ZFHX3: variants seen among roughly 807,000 people sequenced by gnomAD.
ZFHX3 encodes zinc finger homeobox protein 3.
A neutral mutation model predicts 279.1 loss-of-function variants in ZFHX3; 42 were observed. The observed-to-expected ratio is 0.15, with a 90% confidence interval of 0.12 to 0.19. The LOEUF (loss-of-function observed/expected upper bound fraction) is 0.19. ZFHX3 is among the 10% of genes least tolerant of loss of function. The pLI, the probability that ZFHX3 is intolerant of heterozygous loss-of-function variation, is 1.00. For missense variants in ZFHX3, 4,981 were observed against 4,754.0 expected (o/e 1.05, Z -1.40); for synonymous variants, 2,293 against 1,957.8 (o/e 1.17, Z -4.52).
At chr16:73,447,875 C>A (rs1044637519) in intron 3 of ZFHX3, among the ~76,000 whole-genome samples, 2 of 152,114 alleles carry the variant, frequency 1.3e-5, no homozygotes, top group African/African-American at 4.8e-5. Context: ...TAAAGCTTTG[C>A]TGAAAACAAC....
intron 3 of ZFHX3, among the ~76,000 whole-genome samples, chr16:72,933,817 T>C (rs952654484): frequency 3.3e-3 from 363 of 111,156 alleles, no homozygotes; most frequent in African/African-American, 0.014. Context: ...AACTTTCTTT[T>C]TTTTTTTTTT....
intron 5 of ZFHX3, among the ~76,000 whole-genome samples, chr16:73,146,957 T>C (rs1158399686): frequency 6.6e-6 from 1 of 152,166 alleles, no homozygotes; most frequent in Non-Finnish European, 1.5e-5. Flanking sequence ...CGTGCCTGGC[T>C]GGTAGTACTA....
intron 4 of ZFHX3, among the ~76,000 whole-genome samples, chr16:73,261,939 T>G (rs369311226): frequency 5.3e-5 from 8 of 152,220 alleles, no homozygotes; most frequent in East Asian, 3.9e-4. Context: ...TCTCCCAAAG[T>G]GCTGGGATTA....
At chr16:73,524,899 T>C (rs1036430921) in intron 2 of ZFHX3, among the ~76,000 whole-genome samples, 4 of 152,210 alleles carry the variant, frequency 2.6e-5, no homozygotes, top group Admixed American at 6.5e-5. Context: ...AGAGGGCCAG[T>C]ATGCTTGAGC....
chr16:73,596,176 C>T (rs1261994763), intron 2 of ZFHX3, among the ~76,000 whole-genome samples: 1 of 151,904 alleles, frequency 6.6e-6, no homozygotes, highest in Non-Finnish European at 1.5e-5. Flanking sequence ...CAAATGCCAC[C>T]ACGCCCGGCT....
rs368487789 is a variant in ZFHX3, at chr16:73,395,715, AT to A, written c.-1291+60287del. Among the ~76,000 whole-genome samples the A allele has an allele frequency of 5.1e-3, 781 of 152,136 alleles. 4 individuals are homozygous for A. Among genetic ancestry groups the A allele is most frequent in the South Asian group, 0.011 (55 of 4,816 alleles). ...ACCAATTGTTTTTCTTTCATAAGTG[AT>A]TATGTGCCTAATACTTTAAAAAGGC... On this transcript the variant is annotated intron_variant, in intron 3 of 17. Coordinates refer to the ZFHX3 transcript ENST00000641206.
intron 1 of ZFHX3, among the ~76,000 whole-genome samples, chr16:73,756,789 C>T (rs536327571): frequency 6.7e-6 from 1 of 150,264 alleles, no homozygotes; most frequent in African/African-American, 2.4e-5. Context: ...TGAGTCTCCT[C>T]AAGCCCCTAT....
chr16:72,800,743 T>C (rs992140026), intron 7 of ZFHX3, among the ~76,000 whole-genome samples: 3 of 152,202 alleles, frequency 2.0e-5, no homozygotes. Context: ...CAAGCCTTTT[T>C]TTGTGACTCA....
chr16:73,539,249 C>T (rs1360509116), intron 2 of ZFHX3, among the ~76,000 whole-genome samples: 2 of 151,624 alleles, frequency 1.3e-5, no homozygotes, highest in African/African-American at 4.8e-5. Context: ...TACACCTATC[C>T]CTGCATTCAA....
At chr16:72,908,571 G>T (rs1430032945) in intron 3 of ZFHX3, among the ~76,000 whole-genome samples, 1 of 152,180 alleles carries the variant, frequency 6.6e-6, no homozygotes, top group Admixed American at 6.5e-5. Flanking sequence ...AAATCATTGG[G>T]TTTTTCTGGG....
chr16:72,924,946 G>A (rs1158937444), intron 3 of ZFHX3, among the ~76,000 whole-genome samples: 1 of 152,112 alleles, frequency 6.6e-6, no homozygotes, highest in Non-Finnish European at 1.5e-5. Flanking sequence ...ACCCAAAAAC[G>A]GAGAAGGCAG....
rs1426606197 is a variant in ZFHX3, at chr16:72,798,710, G to A, written c.3972C>T (p.Thr1324=). Reference sequence around the variant, plus strand: ...AGATGTTCTTTCCCAGATCCTCTGAGGTTTCTGTTAAAAAAAAAAAAAAAA... The same window carrying A: ...AGATGTTCTTTCCCAGATCCTCTGAAGTTTCTGTTAAAAAAAAAAAAAAAA... ...NLEEAGKQPE[T]SEDLGKNILP... The change falls in exon 9 of 10, where the codon ACC becomes ACT. Residue 1324 remains threonine (T), a synonymous_variant. Coordinates refer to ENST00000268489, the MANE Select transcript of ZFHX3 (RefSeq NM_006885.4). 6.6e-7 allele frequency: 1 copy of A among 1,525,568 alleles called. No individual in the cohort carries two copies. Among genetic ancestry groups the A allele is most frequent in the Non-Finnish European group, 8.7e-7 (1 of 1,145,220 alleles). The allele number at this position is 1,525,568 out of a possible 1,614,324, so 94.5% of individuals were successfully genotyped here.
intron 2 of ZFHX3, among the ~76,000 whole-genome samples, chr16:73,542,383 G>A (rs192042611): frequency 1.4e-3 from 216 of 151,908 alleles, no homozygotes; most frequent in Admixed American, 2.5e-3. Flanking sequence ...TTTTCCCAAC[G>A]TCCTTATTTT....
intron 7 of ZFHX3, among the ~76,000 whole-genome samples, chr16:73,109,208 G>A (rs1424478224): frequency 6.6e-6 from 1 of 152,218 alleles, no homozygotes; most frequent in Non-Finnish European, 1.5e-5. Flanking sequence ...GTGAGTGAAT[G>A]AGGATGTGAA....
At chr16:73,830,763 G>A (rs328365) in intron 1 of ZFHX3, among the ~76,000 whole-genome samples, 62,837 of 152,090 alleles carry the variant, frequency 0.41, 13,485 homozygotes, top group African/African-American at 0.49. Context: ...CTTCTTGAAT[G>A]AACTGTCTTA....
chr16:73,138,834 C>A (rs568006522), intron 6 of ZFHX3, among the ~76,000 whole-genome samples: 1 of 152,128 alleles, frequency 6.6e-6, no homozygotes, highest in African/African-American at 2.4e-5. Context: ...ACCACAGGCA[C>A]GCACCACTAT....
intron 3 of ZFHX3, among the ~76,000 whole-genome samples, chr16:73,324,915 AG>A (rs1226390302): frequency 6.6e-6 from 1 of 152,226 alleles, no homozygotes; most frequent in East Asian, 1.9e-4. Flanking sequence ...AATTATCTCA[AG>A]GGGATCAACA....
At chr16:72,987,336 C>CT (rs1402878364) in intron 1 of ZFHX3, among the ~76,000 whole-genome samples, 1 of 152,216 alleles carries the variant, frequency 6.6e-6, no homozygotes, top group Non-Finnish European at 1.5e-5. Context: ...AGGGACACCA[C>CT]TTTGAGAGCT....
intron 1 of ZFHX3, among the ~76,000 whole-genome samples, chr16:73,861,580 T>G (rs388309): frequency 0.021 from 3,169 of 152,176 alleles, 108 homozygotes; most frequent in African/African-American, 0.073. Context: ...AATTGCACGT[T>G]GTTTATCTTC....
Sources: gnomAD v4.1 joint callset for allele counts (sites outside exome capture counted in the v4.1 genomes callset) on GRCh38, gnomAD v4.1.1 for gene constraint, MANE v1.5 for transcripts, NCBI Gene and HGNC (gene_info 2026-07-23, HGNC 2026-07-21) for gene names.